The following NEK10 variants were observed in gnomAD, a reference collection of about 807,000 sequenced individuals.
NEK10 encodes NIMA related kinase 10.
In NEK10, 122 loss-of-function variants were observed where a neutral mutation model predicts 159.8. The ratio of observed to expected loss-of-function variants is 0.76; its 90% CI spans 0.66 to 0.89. NEK10 has a LOEUF of 0.89. NEK10 is among the 40% of genes least tolerant of loss of function. The probability of loss-of-function intolerance (pLI) is 0.00; values close to 1 mark genes in which losing one functional copy is unlikely to be tolerated. For synonymous variants in NEK10, 466 were observed against 457.1 expected, an observed-to-expected ratio of 1.02 and a Z score of -0.25; for missense variants, 1,342 against 1,323.1, an observed-to-expected ratio of 1.01 and a Z score of -0.22.
intron 20 of NEK10, among the ~76,000 whole-genome samples, chr3:27,287,335 G>A (rs2042693991): frequency 6.6e-6 from 1 of 152,138 alleles, no homozygotes; most frequent in East Asian, 1.9e-4. Context: ...TTTTGGGGAT[G>A]GAAAATGACA....
intron 23 of NEK10, among the ~76,000 whole-genome samples, chr3:27,241,008 G>A (rs1248010008): frequency 2.6e-5 from 4 of 152,000 alleles, no homozygotes; most frequent in Admixed American, 1.3e-4. Flanking sequence ...TTGCTATTTT[G>A]TTTGCAAAGT....
chr3:27,247,533 T>C (rs575994860), intron 23 of NEK10, among the ~76,000 whole-genome samples: 6 of 148,518 alleles, frequency 4.0e-5, no homozygotes, highest in African/African-American at 1.5e-4. Context: ...TTTGTTTATT[T>C]TATTTTATTT....
In NEK10 at chr3:27,346,153, C is replaced by T. The variant is rs2149792249; in HGVS notation, c.196G>A (p.Ala66Thr). Residue 66 changes from alanine to threonine, a missense_variant, in exon 4 of 36, where the codon GCG becomes ACG. Coordinates refer to ENST00000691995, the MANE Select transcript of NEK10 (RefSeq NM_001394966.1). ...TGACCCCGAGCTCTGTGTCCACCCG[C>T]CCTGATGGCGGGCTCAGACTTCGTC... ...SMTKSEPAIR[A>T]GGHRARGQWH... 6 of 1,613,762 alleles carry T rather than the reference C, an allele frequency of 3.7e-6. No individual in the cohort carries two copies. Among genetic ancestry groups the T allele is most frequent in the Non-Finnish European group, 5.1e-6 (6 of 1,179,722 alleles).
intron 13 of NEK10, among the ~76,000 whole-genome samples, chr3:27,298,348 T>C (rs1349815737): frequency 6.6e-6 from 1 of 152,140 alleles, no homozygotes; most frequent in African/African-American, 2.4e-5. Context: ...AGCCCTCTCT[T>C]TGCCTGCTGC....
intron 32 of NEK10, among the ~76,000 whole-genome samples, chr3:27,125,191 T>C (rs1941804665): frequency 1.3e-5 from 2 of 152,174 alleles, no homozygotes. Flanking sequence ...AATTTTATCA[T>C]TTATTTGGTC....
At chr3:27,252,759 T>C in intron 23 of NEK10, 1 of 377,414 alleles carries the variant, frequency 2.6e-6, no homozygotes, top group South Asian at 2.0e-5. Flanking sequence ...GGGAGCTGCA[T>C]GTGCAAAGGC....
At chr3:27,204,295 GTTGTTGT>G (rs1950307110) in intron 23 of NEK10, among the ~76,000 whole-genome samples, 1 of 73,996 alleles carries the variant, frequency 1.4e-5, no homozygotes, top group African/African-American at 5.9e-5. Context: ...TTTTTTTTTT[GTTGTTGT>G]TTTTTTTTTT....
At chr3:27,115,775 T>C (rs1940320739) in intron 35 of NEK10, among the ~76,000 whole-genome samples, 165 bp downstream of exon 35, 1 of 152,182 alleles carries the variant, frequency 6.6e-6, no homozygotes, top group Non-Finnish European at 1.5e-5. Flanking sequence ...TGGGCACATA[T>C]ATTCTACTTA....
intron 22 of NEK10, among the ~76,000 whole-genome samples, chr3:27,258,358 T>G (rs1956436960): frequency 6.7e-6 from 1 of 149,508 alleles, no homozygotes; most frequent in African/African-American, 2.5e-5. Context: ...CTCCAAATGC[T>G]ATCCCTCCCC....
At chr3:27,362,169 G>C (rs1373463544) in intron 1 of NEK10, among the ~76,000 whole-genome samples, 2 of 152,150 alleles carry the variant, frequency 1.3e-5, no homozygotes, top group Non-Finnish European at 2.9e-5. Flanking sequence ...GATGGGCAGG[G>C]GGGTGAACAA....
At chr3:27,233,205 A>G (rs760349451) in intron 23 of NEK10, among the ~76,000 whole-genome samples, 20 of 152,076 alleles carry the variant, frequency 1.3e-4, no homozygotes, top group Non-Finnish European at 2.5e-4. Context: ...GAAAAAAACA[A>G]ATAATCCCAT....
chr3:27,223,174 A>T (rs1256569838), intron 23 of NEK10, among the ~76,000 whole-genome samples: 1 of 152,190 alleles, frequency 6.6e-6, no homozygotes, highest in Non-Finnish European at 1.5e-5. Context: ...TGAAGCTGGG[A>T]GCTGCATTCT....
rs536368911 is a variant in NEK10 at position 27,307,462 on chromosome 3, T to C, written c.803+397A>G. 2.3e-3 allele frequency among the ~76,000 whole-genome samples: 353 copies of C among 152,210 alleles called. 2 individuals carry two copies. Among genetic ancestry groups the C allele is most frequent in the Non-Finnish European group, 4.3e-3 (292 of 68,038 alleles). ...TGATCACAAAACAAGTCAGTTGCTA[T>C]CTTATTTTACTTGCCTTCATGCAAA... On this transcript the variant is annotated intron_variant, in intron 11 of 35. Coordinates refer to ENST00000691995, the MANE Select transcript of NEK10 (RefSeq NM_001394966.1).
intron 16 of NEK10, 104 bp downstream of exon 16, chr3:27,293,484 A>C: frequency 3.5e-6 from 2 of 569,378 alleles, no homozygotes; most frequent in Non-Finnish European, 3.1e-6. Flanking sequence ...TTGCATACTG[A>C]CGCATTATTT....
chr3:27,350,619 C>T (rs2047900395), intron 3 of NEK10, among the ~76,000 whole-genome samples: 1 of 152,026 alleles, frequency 6.6e-6, no homozygotes, highest in South Asian at 2.1e-4. Flanking sequence ...TACAAATATA[C>T]ATTTTTGTAC....
chr3:27,115,356 T>G (rs1003637342), intron 35 of NEK10, among the ~76,000 whole-genome samples: 2 of 152,342 alleles, frequency 1.3e-5, no homozygotes, highest in Admixed American at 6.5e-5. Context: ...TAAAAATTGA[T>G]GCAATTGATA....
intron 5 of NEK10, 98 bp downstream of exon 5, chr3:27,344,174 G>C (rs2047389952): frequency 3.1e-6 from 2 of 636,056 alleles, no homozygotes; most frequent in Non-Finnish European, 5.5e-6. Context: ...TTAATGACAT[G>C]TTCAATCCTG....
intron 23 of NEK10, among the ~76,000 whole-genome samples, chr3:27,250,288 G>A (rs1043331381): frequency 6.6e-6 from 1 of 151,694 alleles, no homozygotes; most frequent in Non-Finnish European, 1.5e-5. Context: ...CCAGGTTCAC[G>A]CCATTCTCCT....
At chr3:27,151,128 C>T (rs911119302) in intron 30 of NEK10, among the ~76,000 whole-genome samples, 4 of 152,200 alleles carry the variant, frequency 2.6e-5, no homozygotes, top group East Asian at 1.9e-4. Flanking sequence ...CCTCACACAC[C>T]GCTAGTCCCT....
Sources: gnomAD v4.1 joint callset for allele counts (sites outside exome capture counted in the v4.1 genomes callset) on GRCh38, gnomAD v4.1.1 for gene constraint, MANE v1.5 for transcripts, NCBI Gene and HGNC (gene_info 2026-07-23, HGNC 2026-07-21) for gene names.